CHRM2: variants seen among roughly 807,000 people sequenced by gnomAD.
The protein encoded by CHRM2 is muscarinic acetylcholine receptor M2.
In CHRM2, 8 loss-of-function variants were observed where a neutral mutation model predicts 25.0. The ratio of observed to expected loss-of-function variants is 0.32; its 90% CI spans 0.19 to 0.58. The LOEUF is 0.58. CHRM2 is among the 20% of genes least tolerant of loss of function. CHRM2 has a pLI of 0.88. For synonymous variants in CHRM2, 202 were observed against 205.7 expected (o/e 0.98, Z 0.15); for missense variants, 440 against 567.1 (o/e 0.78, Z 2.28).
intron 2 of CHRM2, among the ~76,000 whole-genome samples, chr7:136,911,269 C>T (rs928725226): frequency 1.3e-5 from 2 of 151,766 alleles, no homozygotes; most frequent in African/African-American, 4.8e-5. Context: ...AGATTGATAA[C>T]ATCTTAATCA....
intron 3 of CHRM2, among the ~76,000 whole-genome samples, chr7:137,007,559 T>C (rs1342627934): frequency 6.6e-6 from 1 of 152,112 alleles, no homozygotes; most frequent in Non-Finnish European, 1.5e-5. Context: ...ATGTGTTGCA[T>C]GGCTCAAAGG....
intron 2 of CHRM2, among the ~76,000 whole-genome samples, chr7:136,968,575 T>C (rs1019556596): frequency 2.5e-4 from 38 of 151,698 alleles, no homozygotes. Context: ...ATATCTGCAC[T>C]CCAATGTTCA....
intron 2 of CHRM2, among the ~76,000 whole-genome samples, chr7:136,973,650 G>A (rs1367369095): frequency 7.9e-5 from 2 of 25,164 alleles, no homozygotes; most frequent in East Asian, 1.1e-3. Flanking sequence ...CGGTGTTAGG[G>A]ATGGTGGTAG....
chr7:136,890,560 T>C (rs1722203064), intron 2 of CHRM2, among the ~76,000 whole-genome samples: 1 of 152,204 alleles, frequency 6.6e-6, no homozygotes. Context: ...ATCAGGAGTG[T>C]TCTAGGGAGA....
intron 2 of CHRM2, among the ~76,000 whole-genome samples, chr7:136,968,598 T>G (rs1220949271): frequency 6.6e-6 from 1 of 151,466 alleles, no homozygotes; most frequent in Non-Finnish European, 1.5e-5. Flanking sequence ...TTAGTATTAT[T>G]CACAACAGCC....
At chr7:136,900,267 G>A (rs1223549381) in intron 2 of CHRM2, among the ~76,000 whole-genome samples, 1 of 152,056 alleles carries the variant, frequency 6.6e-6, no homozygotes, top group Non-Finnish European at 1.5e-5. Context: ...AGGAAACAAA[G>A]ACCCTTAAAC....
At position 136,881,243 on chromosome 7, in the gene CHRM2, G is replaced by A. The variant is rs1044387961; in HGVS notation, c.-125+11825G>A. Among the ~76,000 whole-genome samples, 3 of 150,894 alleles carry A rather than the reference G, an allele frequency of 2.0e-5. No individual in the cohort carries two copies. In the East Asian group the frequency reaches 5.8e-4, roughly 29 times the overall value. On this transcript the variant is annotated intron_variant, in intron 2 of 3. Transcript: ENST00000680005. ...CATACAGTATGTAGTTTTTTAGAATGACTTCTTTCACTTAGTAACAACTTT... is the reference window on the plus strand; with the variant it reads ...CATACAGTATGTAGTTTTTTAGAATAACTTCTTTCACTTAGTAACAACTTT...
intron 2 of CHRM2, among the ~76,000 whole-genome samples, chr7:136,986,230 C>G (rs560625150): frequency 6.6e-6 from 1 of 152,256 alleles, no homozygotes; most frequent in East Asian, 1.9e-4. Context: ...AGCACCAAAG[C>G]ATTTCCTTAT....
At chr7:136,928,287 T>A (rs1450339671) in intron 2 of CHRM2, among the ~76,000 whole-genome samples, 1 of 152,234 alleles carries the variant, frequency 6.6e-6, no homozygotes. Flanking sequence ...TTAACTTCTC[T>A]GGGCCTCATG....
intron 3 of CHRM2, among the ~76,000 whole-genome samples, chr7:137,011,460 T>C (rs533298393): frequency 1.3e-5 from 2 of 151,916 alleles, no homozygotes; most frequent in East Asian, 2.0e-4. Context: ...AATTCTGATG[T>C]CCAAGACCGC....
At chr7:136,905,351 A>G (rs1343831821) in intron 2 of CHRM2, among the ~76,000 whole-genome samples, 1 of 151,680 alleles carries the variant, frequency 6.6e-6, no homozygotes, top group African/African-American at 2.4e-5. Flanking sequence ...TCCCATATTC[A>G]TTATATTATT....
At chr7:136,874,495 T>C (rs1486779130) in intron 2 of CHRM2, among the ~76,000 whole-genome samples, 2 of 152,058 alleles carry the variant, frequency 1.3e-5, no homozygotes, top group African/African-American at 4.8e-5. Flanking sequence ...CTCATTTTCT[T>C]TCATTAGTAA....
chr7:136,932,952 C>A (rs1475731003), intron 2 of CHRM2, among the ~76,000 whole-genome samples: 1 of 152,132 alleles, frequency 6.6e-6, no homozygotes, highest in Non-Finnish European at 1.5e-5. Context: ...ATCACTTAAA[C>A]CTGGGAGGCA....
At chr7:136,934,373 A>G (rs1048690084) in intron 2 of CHRM2, among the ~76,000 whole-genome samples, 1 of 151,950 alleles carries the variant, frequency 6.6e-6, no homozygotes, top group Non-Finnish European at 1.5e-5. Context: ...ATGTCATGCC[A>G]TTATCACTTA....
chr7:136,905,693 C>A (rs757069944), intron 2 of CHRM2, among the ~76,000 whole-genome samples: 2 of 151,572 alleles, frequency 1.3e-5, no homozygotes, highest in South Asian at 4.1e-4. Context: ...TTATTTTGAT[C>A]TTCCAGTCTC....
chr7:136,998,105 G>A (rs1389476046), intron 3 of CHRM2, among the ~76,000 whole-genome samples: 4 of 152,184 alleles, frequency 2.6e-5, no homozygotes, highest in African/African-American at 9.6e-5. Context: ...CAATGCTACA[G>A]CTGGCTTTTA....
intron 3 of CHRM2, among the ~76,000 whole-genome samples, chr7:137,008,777 A>T (rs1389770238): frequency 6.6e-6 from 1 of 152,054 alleles, no homozygotes; most frequent in Non-Finnish European, 1.5e-5. Flanking sequence ...TTGTTCTCAA[A>T]TTTTTTTATA....
At chr7:136,881,330 A>T (rs1488067138) in intron 2 of CHRM2, among the ~76,000 whole-genome samples, 1 of 151,650 alleles carries the variant, frequency 6.6e-6, no homozygotes, top group Non-Finnish European at 1.5e-5. Flanking sequence ...ATGGCTTGAT[A>T]GTTCCCTTCT....
chr7:136,946,228 T>A (rs1256435006), intron 2 of CHRM2, among the ~76,000 whole-genome samples: 3 of 152,198 alleles, frequency 2.0e-5, no homozygotes, highest in Non-Finnish European at 4.4e-5. Context: ...GAATATATTA[T>A]CAGAAATTCT....
Sources: gnomAD v4.1 joint callset for allele counts (sites outside exome capture counted in the v4.1 genomes callset) on GRCh38, gnomAD v4.1.1 for gene constraint, MANE v1.5 for transcripts, NCBI Gene and HGNC (gene_info 2026-07-23, HGNC 2026-07-21) for gene names.